The following PSD3 variants were observed in gnomAD, a reference collection of about 807,000 sequenced individuals.
The protein encoded by PSD3 is pleckstrin and Sec7 domain containing 3.
A neutral mutation model predicts 105.5 loss-of-function variants in PSD3; 49 were observed. That is an observed-to-expected ratio of 0.46 (90% CI 0.37 to 0.59). PSD3 has a LOEUF of 0.59. Ranked by LOEUF, PSD3 falls within the 20% of genes least tolerant of loss-of-function variation. The pLI is 0.00. For synonymous variants in PSD3, 557 were observed against 457.8 expected (o/e 1.22, Z -2.77); for missense variants, 1,561 against 1,263.8 (o/e 1.24, Z -3.57).
intron 9 of PSD3, among the ~76,000 whole-genome samples, chr8:18,671,374 A>G (rs962580563): frequency 1.3e-5 from 2 of 152,170 alleles, no homozygotes; most frequent in Non-Finnish European, 1.5e-5. Context: ...CATGAGACAC[A>G]CTAAAAATTG....
At chr8:18,783,451 T>C (rs903680185) in intron 8 of PSD3, among the ~76,000 whole-genome samples, 1 of 152,216 alleles carries the variant, frequency 6.6e-6, no homozygotes, top group Non-Finnish European at 1.5e-5. Flanking sequence ...CTATTCTCTG[T>C]TTAATTCATC....
At chr8:18,730,634 A>G (rs1356169793) in intron 9 of PSD3, among the ~76,000 whole-genome samples, 1 of 152,226 alleles carries the variant, frequency 6.6e-6, no homozygotes, top group Non-Finnish European at 1.5e-5. Flanking sequence ...CAGATACTGT[A>G]CGCTATACAC....
chr8:18,632,938 A>G, intron 10 of PSD3, 132 bp from the exon 11 acceptor site: 1 of 682,092 alleles, frequency 1.5e-6, no homozygotes, highest in Non-Finnish European at 2.4e-6. Context: ...CATGATAATG[A>G]CAGACACCAT....
intron 11 of PSD3, among the ~76,000 whole-genome samples, chr8:18,618,659 C>T (rs1805879821): frequency 6.6e-6 from 1 of 151,866 alleles, no homozygotes; most frequent in Admixed American, 6.6e-5. Context: ...TATTTGATTG[C>T]TCTCACCTTA....
Position 18,528,329 on chromosome 8 carries a change from T to G in PSD3, c.*7414A>C, listed in dbSNP as rs528670859. On this transcript the variant is annotated 3_prime_UTR_variant, in exon 16 of 16. Coordinates refer to ENST00000327040, the MANE Select transcript of PSD3 (RefSeq NM_015310.4). Reference sequence around the variant, plus strand: ...TCTGGGTGTGGAGGCAAAGATATCGTCCGTCCGTAGTTAGAACTCAGGGTG... The same window carrying G: ...TCTGGGTGTGGAGGCAAAGATATCGGCCGTCCGTAGTTAGAACTCAGGGTG... 1 of 152,336 alleles carries G rather than the reference T, an allele frequency of 6.6e-6. No homozygotes were observed. Among genetic ancestry groups the G allele is most frequent in the Non-Finnish European group, 1.5e-5 (1 of 68,042 alleles). 9.4% of individuals were successfully genotyped at this position (152,336 alleles called of 1,614,324 possible).
intron 9 of PSD3, among the ~76,000 whole-genome samples, chr8:18,677,085 C>A (rs552720749): frequency 6.6e-6 from 1 of 152,234 alleles, no homozygotes; most frequent in African/African-American, 2.4e-5. Flanking sequence ...ATAGTGTGCT[C>A]AACATTTACT....
intron 4 of PSD3, among the ~76,000 whole-genome samples, chr8:18,813,160 G>A (rs1332217356): frequency 2.6e-5 from 4 of 152,112 alleles, no homozygotes; most frequent in African/African-American, 9.7e-5. Context: ...GATGTGCATG[G>A]AGCTATGTTC....
rs1364919270 is a variant in PSD3 at position 18,786,821 on chromosome 8, A to G, written c.2082+12474T>C. On this transcript the variant is annotated intron_variant, in intron 8 of 15. Transcript: ENST00000327040. ...TTTATCTGTTGATTGTACTCCTCTG[A>G]CTCACTGATCATTCTTCTAGGCAAG... 2.6e-5 allele frequency: 4 copies of G among 152,212 alleles called. No individual in the cohort carries two copies. In the East Asian group the frequency reaches 7.7e-4, roughly 29 times the overall value. The allele number at this position is 152,212 out of a possible 1,614,324, so 9.4% of individuals were successfully genotyped here. A position where few individuals can be genotyped will look rare whatever the true frequency, so the allele number is the denominator to read the frequency against.
At chr8:18,688,394 G>A (rs1800784350) in intron 9 of PSD3, among the ~76,000 whole-genome samples, 1 of 152,144 alleles carries the variant, frequency 6.6e-6, no homozygotes. Flanking sequence ...ACTGTGCCTG[G>A]CCTTCTTAAT....
intron 1 of PSD3, among the ~76,000 whole-genome samples, chr8:19,083,696 T>C (rs1829715257): frequency 6.6e-6 from 1 of 152,194 alleles, no homozygotes; most frequent in Non-Finnish European, 1.5e-5. Flanking sequence ...TTGTTCCCAA[T>C]GCCCATTCTG....
At chr8:18,706,352 T>G (rs1013663128) in intron 9 of PSD3, among the ~76,000 whole-genome samples, 9 of 152,312 alleles carry the variant, frequency 5.9e-5, no homozygotes, top group African/African-American at 2.2e-4. Context: ...TTTGCTTATT[T>G]ATATTTCCTA....
chr8:18,598,580 A>T (rs1430572719), intron 12 of PSD3, among the ~76,000 whole-genome samples: 2 of 152,140 alleles, frequency 1.3e-5, no homozygotes, highest in Non-Finnish European at 2.9e-5. Context: ...CAGGAAAGCG[A>T]TGATATTAAT....
intron 9 of PSD3, among the ~76,000 whole-genome samples, chr8:18,668,941 A>AAAAAAT (rs1326778485): frequency 4.6e-5 from 7 of 152,180 alleles, no homozygotes; most frequent in African/African-American, 1.7e-4. Flanking sequence ...TAGTTTATTT[A>AAAAAAT]AAAAATAATG....
At chr8:18,882,392 T>C (rs1439681030) in intron 2 of PSD3, among the ~76,000 whole-genome samples, 2 of 152,164 alleles carry the variant, frequency 1.3e-5, no homozygotes, top group African/African-American at 4.8e-5. Context: ...GTTCATTCTC[T>C]CATTTACTCA....
At chr8:18,782,732 G>A (rs543606461) in intron 8 of PSD3, among the ~76,000 whole-genome samples, 49 of 152,270 alleles carry the variant, frequency 3.2e-4, no homozygotes, top group Non-Finnish European at 6.9e-4. Flanking sequence ...TAATGTCTGC[G>A]GCTGCAACAG....
At position 19,037,319 on chromosome 8, in the gene PSD3, A is replaced by C. The variant is rs576359046; in HGVS notation, c.324+46887T>G. On this transcript the variant is annotated intron_variant, in intron 1 of 1. Transcript: ENST00000521475. ...TGGCTGCTGGAGATGCTGTCCAGGG[A>C]ATTTGGGTGACATTGGGCCACATGG... Among the ~76,000 whole-genome samples the C allele has an allele frequency of 7.2e-5, 11 of 152,324 alleles. No homozygotes were observed. The East Asian group carries it at 1.2e-3, about 16-fold the overall frequency.
intron 14 of PSD3, among the ~76,000 whole-genome samples, chr8:18,563,473 T>G (rs1801528690): frequency 6.6e-6 from 1 of 152,148 alleles, no homozygotes; most frequent in Non-Finnish European, 1.5e-5. Context: ...GAAGTCAAAT[T>G]GCTAAACACT....
In PSD3 at chr8:18,818,291, T is replaced by C. The variant is rs112719485; in HGVS notation, c.1635-13393A>G. On this transcript the variant is annotated intron_variant, in intron 4 of 15. Coordinates refer to ENST00000327040, the MANE Select transcript of PSD3 (RefSeq NM_015310.4). ...TATGAAAGACAACTATTGTTGTCAG[T>C]TTCTACGCTTTTAAACTAGTTTTTC... is the stretch of plus-strand genomic sequence containing the variant. Among the ~76,000 whole-genome samples, 1,089 of 152,278 alleles carry C rather than the reference T, an allele frequency of 7.2e-3. 11 individuals carry two copies. Among genetic ancestry groups the C allele is most frequent in the African/African-American group, 0.025 (1,023 of 41,558 alleles).
chr8:18,546,770 C>G (rs1464685737), intron 15 of PSD3, among the ~76,000 whole-genome samples: 3 of 152,152 alleles, frequency 2.0e-5, no homozygotes, highest in African/African-American at 7.2e-5. Flanking sequence ...ACCTTTTGAT[C>G]AACATCTACT....
Sources: gnomAD v4.1 joint callset for allele counts (sites outside exome capture counted in the v4.1 genomes callset) on GRCh38, gnomAD v4.1.1 for gene constraint, MANE v1.5 for transcripts, NCBI Gene and HGNC (gene_info 2026-07-23, HGNC 2026-07-21) for gene names.